ADAMTS9: variants seen among roughly 807,000 people sequenced by gnomAD.
The protein encoded by ADAMTS9 is A disintegrin and metalloproteinase with thrombospondin motifs 9.
Under a neutral mutation model 257.1 loss-of-function variants are expected in ADAMTS9, and 107 were observed. That is an observed-to-expected ratio of 0.42 (90% confidence interval 0.36 to 0.49). ADAMTS9 has a LOEUF of 0.49. Ranked by LOEUF, ADAMTS9 falls within the 20% of genes least tolerant of loss-of-function variation. The pLI, the probability that ADAMTS9 is intolerant of heterozygous loss-of-function variation, is 0.03. For missense variants in ADAMTS9, 2,353 were observed against 2,469.1 expected (o/e 0.95, Z 1.00); for synonymous variants, 982 against 880.9 (o/e 1.11, Z -2.03).
At chr3:64,647,105 G>A (rs193039601) in intron 11 of ADAMTS9, among the ~76,000 whole-genome samples, 2 of 152,096 alleles carry the variant, frequency 1.3e-5, no homozygotes, top group Admixed American at 6.5e-5. Context: ...GGGAAAAAAG[G>A]GAAAAATATA....
intron 28 of ADAMTS9, among the ~76,000 whole-genome samples, chr3:64,571,640 A>G (rs2083687314): frequency 6.6e-6 from 1 of 152,202 alleles, no homozygotes. Flanking sequence ...AGCACTTGCC[A>G]TACTTATTAT....
intron 3 of ADAMTS9, among the ~76,000 whole-genome samples, chr3:64,660,539 G>A (rs1489458983): frequency 1.3e-5 from 2 of 152,146 alleles, no homozygotes; most frequent in Admixed American, 6.5e-5. Context: ...TCTGAGCAGT[G>A]TGATGGACTC....
intron 28 of ADAMTS9, among the ~76,000 whole-genome samples, chr3:64,570,386 A>G (rs2083650286): frequency 6.6e-6 from 1 of 152,222 alleles, no homozygotes; most frequent in Admixed American, 6.5e-5. Flanking sequence ...TCCTGGGGTC[A>G]GGCAGCAAAG....
At chr3:64,605,694 A>G (rs1330910099) in intron 23 of ADAMTS9, among the ~76,000 whole-genome samples, 2 of 152,200 alleles carry the variant, frequency 1.3e-5, no homozygotes, top group Non-Finnish European at 2.9e-5. Context: ...AGGCCCATAT[A>G]GAATAGTATG....
Position 64,687,118 on chromosome 3 carries a change from A to G in ADAMTS9, c.116-150T>C. Reference sequence around the variant, plus strand: ...TTAATCAGTGGACAAATATTTGCTGAGCACCTACTATGTGCCAGTAACAGG... The same window carrying G: ...TTAATCAGTGGACAAATATTTGCTGGGCACCTACTATGTGCCAGTAACAGG... On this transcript the variant is annotated intron_variant, in intron 1 of 39. Transcript: ENST00000498707. The surrounding 1 kb of genome is among the most constrained non-coding windows in gnomAD (Gnocchi z 4.4). 1 of 951,600 alleles carries G rather than the reference A, an allele frequency of 1.1e-6. No individual in the cohort carries two copies. Among genetic ancestry groups the G allele is most frequent in the Non-Finnish European group, 1.5e-6 (1 of 650,894 alleles). The allele number at this position is 951,600 out of a possible 1,614,324, so 58.9% of individuals were successfully genotyped here.
chr3:64,572,905 C>T (rs4688483), intron 28 of ADAMTS9, among the ~76,000 whole-genome samples: 4,811 of 151,800 alleles, frequency 0.032, 286 homozygotes, highest in East Asian at 0.26. Flanking sequence ...TGGTGAAACC[C>T]CATCTCTACT....
intron 29 of ADAMTS9, among the ~76,000 whole-genome samples, chr3:64,562,118 G>C (rs2083437647): frequency 6.6e-6 from 1 of 152,184 alleles, no homozygotes; most frequent in Non-Finnish European, 1.5e-5. Context: ...TGGAGGATTT[G>C]AGACTCATGA....
intron 28 of ADAMTS9, 142 bp downstream of exon 28, chr3:64,594,116 T>A (rs895788458): frequency 1.7e-5 from 15 of 873,852 alleles, no homozygotes; most frequent in Non-Finnish European, 2.6e-5. Context: ...TATGTGCCAA[T>A]ATGGAGAAAA....
In ADAMTS9 at chr3:64,681,327, T is replaced by C. The variant is rs1238778122; in HGVS notation, c.553A>G (p.Ile185Val). The C allele has an allele frequency of 6.2e-7, 1 of 1,613,486 alleles. No homozygotes were observed. The highest frequency in any genetic ancestry group is 1.1e-5 in the South Asian group (1 of 90,990). ...TFRSHDGDYF[I>V]EPLQSMDEQE... ...TCATCCATAGACTGTAGTGGTTCAA[T>C]AAAATAATCCCCATCATGAGACCGG... Residue 185 changes from isoleucine (I) to valine (V), a missense_variant, in exon 3 of 40, where the codon ATT (isoleucine) becomes GTT (valine). Ile to Val is a conservative substitution (Grantham distance 29). Around this residue, in one of 3 missense-constraint regions of ADAMTS9, gnomAD observed 591 missense variants for 569.6 expected, o/e 1.04. Coordinates refer to ENST00000498707, the MANE Select transcript of ADAMTS9 (RefSeq NM_182920.2).
Position 64,654,370 on chromosome 3 carries a change from G to A in ADAMTS9, c.1299C>T (p.Ala433=). The change falls in exon 8 of 40, where the codon GCC becomes GCT. Residue 433 remains alanine, a synonymous_variant. Transcript: ENST00000498707. ...DSGLSTAFTI[A]HELGHVFNMP... ...TAACTCACACATGGCCCAGCTCATGGGCGATCGTAAAAGCTGTACTCAATC... is the reference window on the plus strand; with the variant it reads ...TAACTCACACATGGCCCAGCTCATGAGCGATCGTAAAAGCTGTACTCAATC... 2.5e-6 allele frequency: 4 copies of A among 1,613,864 alleles called. No individual in the cohort carries two copies. The highest frequency in any genetic ancestry group is 1.1e-5 in the South Asian group (1 of 91,012).
At chr3:64,637,595 T>A (rs902153659) in intron 12 of ADAMTS9, among the ~76,000 whole-genome samples, 3 of 152,228 alleles carry the variant, frequency 2.0e-5, no homozygotes, top group African/African-American at 7.2e-5. Flanking sequence ...TAAACTTTGG[T>A]CTGCAAAAGG....
rs141535497 is a variant in ADAMTS9 at position 64,594,451 on chromosome 3, GA to G, written c.4180-18del. 8.2e-3 allele frequency: 13,219 copies of G among 1,602,870 alleles called. 526 individuals are homozygous for G. The East Asian group carries it at 0.087, about 11-fold the overall frequency. On this transcript the variant is annotated intron_variant, in intron 27 of 39. Coordinates refer to ENST00000498707, the MANE Select transcript of ADAMTS9 (RefSeq NM_182920.2). ...CTTAGTGCACTGGAAGAAGGAAAAGGAAGGCTGCAGTTATTTTGTCTGAAAG... is the reference window on the plus strand; with the variant it reads ...CTTAGTGCACTGGAAGAAGGAAAAGGAGGCTGCAGTTATTTTGTCTGAAAG...
intron 30 of ADAMTS9, among the ~76,000 whole-genome samples, chr3:64,551,699 C>T (rs1415364948): frequency 7.2e-5 from 11 of 152,214 alleles, no homozygotes. Context: ...GTTTACCAAG[C>T]TGGTGTCTAA....
intron 38 of ADAMTS9, among the ~76,000 whole-genome samples, chr3:64,526,709 A>C (rs1174777431): frequency 6.6e-6 from 1 of 152,194 alleles, no homozygotes; most frequent in Non-Finnish European, 1.5e-5. Context: ...CTTGTACTAC[A>C]TCTTGAACAA....
In ADAMTS9 at chr3:64,543,956, C is replaced by G. The variant is rs148582019; in HGVS notation, c.5065-1986G>C. Among the ~76,000 whole-genome samples, 484 of 152,308 alleles carry G rather than the reference C, an allele frequency of 3.2e-3. 7 individuals carry two copies. Among genetic ancestry groups the G allele is most frequent in the Middle Eastern group, 0.01 (3 of 294 alleles). On this transcript the variant is annotated intron_variant, in intron 32 of 39. Transcript: ENST00000498707. ...AAATACAATGTGCAAAAATCACAAG[C>G]ATTCTTATACACCAATAACAGACAA...
In ADAMTS9 at chr3:64,604,050, C is replaced by T. The variant is rs895148308; in HGVS notation, c.3619G>A (p.Val1207Ile). Reference protein sequence around the residue: ...TCGKGTRMRYVSCRDENGSVA... With the variant: ...TCGKGTRMRYISCRDENGSVA... Reference sequence around the variant, plus strand: ...GAGCCATTCTCATCTCGGCAGCTGACGTATCTCATCCGGGTACCTTTCCCA... The same window carrying T: ...GAGCCATTCTCATCTCGGCAGCTGATGTATCTCATCCGGGTACCTTTCCCA... The change falls in exon 25 of 40, where the codon GTC becomes ATC. Residue 1207 changes from valine to isoleucine, a missense_variant. Around this residue, in one of 3 missense-constraint regions of ADAMTS9, gnomAD observed 1,402 missense variants for 1,441.4 expected, o/e 0.97. Transcript: ENST00000498707. 22 of 1,613,976 alleles carry T rather than the reference C, an allele frequency of 1.4e-5. No homozygotes were observed. The highest frequency in any genetic ancestry group is 2.2e-5 in the East Asian group (1 of 44,846).
chr3:64,665,158 T>C (rs1309879854), intron 3 of ADAMTS9, among the ~76,000 whole-genome samples: 1 of 152,226 alleles, frequency 6.6e-6, no homozygotes, highest in Non-Finnish European at 1.5e-5. Flanking sequence ...CTGGCAACTG[T>C]ATGTTTCCTA....
At position 64,541,359 on chromosome 3, in the gene ADAMTS9, T is replaced by C. The variant is rs1349540745; in HGVS notation, c.5348A>G (p.His1783Arg). Residue 1783 changes from histidine (H) to arginine (R), a missense_variant, in exon 35 of 40, where the codon CAT (histidine) becomes CGT (arginine). Physicochemically the swap from His to Arg is conservative, Grantham distance 29 (BLOSUM62 0). Coordinates refer to ENST00000498707, the MANE Select transcript of ADAMTS9 (RefSeq NM_182920.2). ...DHPKEYVTLV[H>R]GDSENFSEVY... ...CTCGGAGAAATTCTCAGAGTCTCCATGCACCAGTGTCACGTACTCTTTGGG... is the reference window on the plus strand; with the variant it reads ...CTCGGAGAAATTCTCAGAGTCTCCACGCACCAGTGTCACGTACTCTTTGGG... 2.5e-6 allele frequency: 4 copies of C among 1,614,150 alleles called. No individual in the cohort carries two copies. The South Asian group carries it at 3.3e-5, about 13-fold the overall frequency.
intron 37 of ADAMTS9, among the ~76,000 whole-genome samples, chr3:64,537,788 A>G (rs2083069263): frequency 6.6e-6 from 1 of 152,194 alleles, no homozygotes; most frequent in Non-Finnish European, 1.5e-5. Flanking sequence ...CTTTAAACCT[A>G]AGAGAAAACT....
Sources: gnomAD v4.1 joint callset for allele counts (sites outside exome capture counted in the v4.1 genomes callset) on GRCh38, gnomAD v4.1.1 for gene constraint, gnomAD v4.1.1 regional missense constraint, Gnocchi (gnomAD v3.1) non-coding constraint, MANE v1.5 for transcripts, NCBI Gene and HGNC (gene_info 2026-07-23, HGNC 2026-07-21) for gene names.